CD226: variants seen among roughly 807,000 people sequenced by gnomAD.
CD226 encodes the protein CD226 antigen.
Under a neutral mutation model 34.9 loss-of-function variants are expected in CD226, and 24 were observed. The ratio of observed to expected loss-of-function variants is 0.69; its 90% CI spans 0.50 to 0.97. The LOEUF is 0.97. Among genes scored for constraint, CD226 ranks in the 50% least tolerant of loss-of-function variants. CD226 has a pLI of 0.00. For missense variants in CD226, 397 were observed against 412.7 expected (o/e 0.96, Z 0.33); for synonymous variants, 148 against 147.4 (o/e 1.00, Z -0.03).
At chr18:69,871,704 A>G (rs1017681348) in intron 4 of CD226, among the ~76,000 whole-genome samples, 1 of 152,218 alleles carries the variant, frequency 6.6e-6, no homozygotes, top group African/African-American at 2.4e-5. Flanking sequence ...GGGGAGAGCA[A>G]TGGGTGTGCT....
chr18:69,955,354 T>C (rs1250927928), intron 1 of CD226, among the ~76,000 whole-genome samples: 2 of 152,254 alleles, frequency 1.3e-5, no homozygotes, highest in African/African-American at 2.4e-5. Flanking sequence ...ATGGAGAATC[T>C]GCTCTGATAC....
intron 5 of CD226, among the ~76,000 whole-genome samples, chr18:69,866,762 A>C (rs754435119): frequency 6.6e-5 from 10 of 152,172 alleles, no homozygotes; most frequent in Non-Finnish European, 1.0e-4. Flanking sequence ...AGCTCAAACA[A>C]CGCTGTGCTG....
chr18:69,895,633 A>G lies in CD226; in HGVS notation c.727+68T>C. ...ATGAACATGTTTACCATAAATAAAA[A>G]CAGAGACCAGCCCACGGGGCTGGCT... On this transcript the variant is annotated intron_variant, in intron 3 of 5. Transcript: ENST00000582621. 5 of 1,156,476 alleles carry G rather than the reference A, an allele frequency of 4.3e-6. No individual in the cohort carries two copies. In the South Asian group the frequency reaches 7.0e-5, roughly 16 times the overall value. The allele number at this position is 1,156,476 out of a possible 1,614,324, so 71.6% of individuals were successfully genotyped here. A position where few individuals can be genotyped will look rare whatever the true frequency, so the allele number is the denominator to read the frequency against.
Position 69,947,438 on chromosome 18 carries a change from T to TAAAA in CD226, c.-36_-33dup. 3.7e-6 allele frequency: 4 copies of TAAAA among 1,071,354 alleles called. No homozygotes were observed. Among genetic ancestry groups the TAAAA allele is most frequent in the Non-Finnish European group, 5.3e-6 (4 of 755,644 alleles). 66.4% of individuals were successfully genotyped at this position (1,071,354 alleles called of 1,614,324 possible). Reference sequence around the variant, plus strand: ...AAACTGTTTGAAAGGCTGGTTCTATTAAAAAAAAAAATTGCTTTTTATAAT... The same window carrying TAAAA: ...AAACTGTTTGAAAGGCTGGTTCTATTAAAAAAAAAAAAAAATTGCTTTTTATAAT... On this transcript the variant is annotated 5_prime_UTR_variant, in exon 1 of 6. Coordinates refer to ENST00000582621, the MANE Select transcript of CD226 (RefSeq NM_001303618.2).
At chr18:69,889,234 G>T (rs1374138602) in intron 3 of CD226, among the ~76,000 whole-genome samples, 3 of 151,910 alleles carry the variant, frequency 2.0e-5, no homozygotes, top group African/African-American at 7.3e-5. Context: ...GGTTATTTTA[G>T]CTTGTGAGCA....
At position 69,855,940 on chromosome 18, in the gene CD226, T is replaced by G. The variant is rs1982597986; in HGVS notation, c.*8374A>C. ...CCCAATATGATCATTACATATTGTA[T>G]ACAGGTATCAAAACATCACATGTAC... On this transcript the variant is annotated 3_prime_UTR_variant, in exon 6 of 6. Coordinates refer to ENST00000582621, the MANE Select transcript of CD226 (RefSeq NM_001303618.2). The G allele has an allele frequency of 1.3e-5, 2 of 152,158 alleles. No individual in the cohort carries two copies. The highest frequency in any genetic ancestry group is 2.9e-5 in the Non-Finnish European group (2 of 68,018). 9.4% of individuals were successfully genotyped at this position (152,158 alleles called of 1,614,324 possible). A position where few individuals can be genotyped will look rare whatever the true frequency, so the allele number is the denominator to read the frequency against.
At chr18:69,890,929 T>C (rs753925697) in intron 3 of CD226, among the ~76,000 whole-genome samples, 2 of 151,190 alleles carry the variant, frequency 1.3e-5, no homozygotes, top group Non-Finnish European at 2.9e-5. Flanking sequence ...CAATAAATGA[T>C]TTAATTCTTT....
chr18:69,932,651 G>A (rs976153704), intron 2 of CD226, among the ~76,000 whole-genome samples: 6 of 152,140 alleles, frequency 3.9e-5, no homozygotes, highest in Admixed American at 1.3e-4. Context: ...CCTCCAGCAG[G>A]AATGCCATCC....
intron 2 of CD226, among the ~76,000 whole-genome samples, chr18:69,897,134 T>C (rs186434903): frequency 6.0e-4 from 92 of 152,324 alleles, no homozygotes; most frequent in Admixed American, 1.8e-3. Flanking sequence ...ACAGTAGATA[T>C]TTCCAGAGGC....
intron 2 of CD226, among the ~76,000 whole-genome samples, chr18:69,907,530 G>T (rs569094444): frequency 6.6e-6 from 1 of 152,094 alleles, no homozygotes; most frequent in East Asian, 1.9e-4. Context: ...GGCTGGTCTC[G>T]AACTCCTGAT....
chr18:69,906,687 G>A (rs1276734009), intron 2 of CD226, among the ~76,000 whole-genome samples: 1 of 152,240 alleles, frequency 6.6e-6, no homozygotes, highest in Non-Finnish European at 1.5e-5. Context: ...TCGAGTTTCA[G>A]ACAATATTCA....
chr18:69,870,122 A>G (rs1021266063), intron 4 of CD226, among the ~76,000 whole-genome samples: 3 of 151,052 alleles, frequency 2.0e-5, no homozygotes, highest in African/African-American at 7.3e-5. Flanking sequence ...CAATGCCAAA[A>G]CCCAGAGAGC....
intron 2 of CD226, among the ~76,000 whole-genome samples, chr18:69,934,258 T>C (rs1417186967): frequency 6.9e-6 from 1 of 145,550 alleles, no homozygotes; most frequent in East Asian, 2.0e-4. Context: ...ATGAAGGAAA[T>C]GATCCTGTCC....
intron 2 of CD226, among the ~76,000 whole-genome samples, chr18:69,924,303 AG>A (rs1392364639): frequency 3.9e-5 from 6 of 152,322 alleles, no homozygotes; most frequent in Non-Finnish European, 8.8e-5. Flanking sequence ...CTGAATTTAT[AG>A]GAATAAAAAT....
At position 69,854,111 on chromosome 18, in the gene CD226, A is replaced by G. The variant is rs1982548618; in HGVS notation, c.*10203T>C. 1 of 10,090 alleles carries G rather than the reference A, an allele frequency of 9.9e-5. No homozygotes were observed. The highest frequency in any genetic ancestry group is 3.0e-3 in the Admixed American group (1 of 328). 0.6% of individuals were successfully genotyped at this position (10,090 alleles called of 1,614,324 possible). ...TTCTGCCTTTAGTGTCATCATGTTA[A>G]GGCATGGAAGATGTTGCTGCCATGC... On this transcript the variant is annotated 3_prime_UTR_variant, in exon 6 of 6. Transcript: ENST00000582621.
chr18:69,885,879 C>A (rs986721735), intron 3 of CD226, among the ~76,000 whole-genome samples: 3 of 152,104 alleles, frequency 2.0e-5, no homozygotes, highest in Non-Finnish European at 2.9e-5. Flanking sequence ...TTGGCGTCAG[C>A]GAAGGATCCC....
chr18:69,915,282 G>A (rs916466248), intron 2 of CD226, among the ~76,000 whole-genome samples: 4 of 152,146 alleles, frequency 2.6e-5, no homozygotes, highest in Non-Finnish European at 5.9e-5. Context: ...TGATCAAAGA[G>A]TCCATATGAT....
At chr18:69,892,839 A>G (rs1264134349) in intron 3 of CD226, among the ~76,000 whole-genome samples, 2 of 152,176 alleles carry the variant, frequency 1.3e-5, no homozygotes, top group African/African-American at 4.8e-5. Context: ...ATCCAATACT[A>G]TGTGCTATAA....
rs552036578 is a variant in CD226 at position 69,935,858 on chromosome 18, G to C, written c.382+10876C>G. On this transcript the variant is annotated intron_variant, in intron 2 of 5. Coordinates refer to ENST00000582621, the MANE Select transcript of CD226 (RefSeq NM_001303618.2). ...AAAATATAAATACCTACAATAAGAA[G>C]GGTACAGTTTCAAGTTTACATAGGT... Among the ~76,000 whole-genome samples, 3 of 152,260 alleles carry C rather than the reference G, an allele frequency of 2.0e-5. No individual in the cohort carries two copies. In the South Asian group the frequency reaches 6.2e-4, roughly 32 times the overall value.
Sources: allele counts gnomAD v4.1 joint callset (sites outside exome capture counted in the v4.1 genomes callset), GRCh38; gene constraint gnomAD v4.1.1; transcripts MANE v1.5; gene names NCBI Gene and HGNC (gene_info 2026-07-23, HGNC 2026-07-21).